The following SMARCC1 variants were observed in gnomAD, a reference collection of about 807,000 sequenced individuals.
SMARCC1 encodes the protein SWI/SNF complex subunit SMARCC1.
Under a neutral mutation model 147.4 loss-of-function variants are expected in SMARCC1, and 43 were observed. That is an observed-to-expected ratio of 0.29 (90% confidence interval 0.23 to 0.38). The LOEUF is 0.38. Ranked by LOEUF, SMARCC1 falls within the 10% of genes least tolerant of loss-of-function variation. The pLI is 1.00. For missense variants in SMARCC1, 1,119 were observed against 1,381.1 expected (o/e 0.81, Z 3.01); for synonymous variants, 495 against 484.4 (o/e 1.02, Z -0.29).
chr3:47,780,587 T>A (rs922944731), intron 1 of SMARCC1, among the ~76,000 whole-genome samples: 1 of 152,200 alleles, frequency 6.6e-6, no homozygotes, highest in Admixed American at 6.6e-5. Flanking sequence ...GTTTATGTTT[T>A]CATTCATTCA....
At position 47,606,309 on chromosome 3, in the gene SMARCC1, C is replaced by T. The variant is rs552346437; in HGVS notation, c.3043+3757G>A. On this transcript the variant is annotated intron_variant, in intron 26 of 27. Coordinates refer to ENST00000254480, the MANE Select transcript of SMARCC1 (RefSeq NM_003074.4). ...TATAAATCCCCTTAGTCTTCCGTCA[C>T]GGGAGGCAGCACTGTGGCACTGGCC... is the stretch of plus-strand genomic sequence containing the variant. Among the ~76,000 whole-genome samples the T allele has an allele frequency of 3.3e-5, 5 of 152,304 alleles. 1 individual carries two copies. In the South Asian group the frequency reaches 8.3e-4, roughly 25 times the overall value.
At chr3:47,772,973 A>G (rs1383448322) in intron 1 of SMARCC1, 37 bp from the exon 2 acceptor site, 2 of 1,597,362 alleles carry the variant, frequency 1.3e-6, no homozygotes, top group Non-Finnish European at 1.7e-6. Flanking sequence ...AACTAGTACA[A>G]TTTTTGCAGG....
At chr3:47,696,076 A>AGG (rs2033847796) in intron 11 of SMARCC1, among the ~76,000 whole-genome samples, 1 of 120,200 alleles carries the variant, frequency 8.3e-6, no homozygotes, top group African/African-American at 3.4e-5. Context: ...CAAAAAAAAA[A>AGG]AGGGGGGGGG....
At chr3:47,668,176 T>G (rs939201574) in intron 19 of SMARCC1, among the ~76,000 whole-genome samples, 17 of 152,208 alleles carry the variant, frequency 1.1e-4, no homozygotes, top group Non-Finnish European at 2.1e-4. Flanking sequence ...CCATAAAGAC[T>G]GTCATGGCCT....
intron 27 of SMARCC1, 85 bp downstream of exon 27, chr3:47,590,576 G>T: frequency 8.2e-7 from 1 of 1,212,454 alleles, no homozygotes; most frequent in South Asian, 1.9e-5. Context: ...GCCAAATCTC[G>T]GGGAGAGAAC....
chr3:47,777,088 ATT>A (rs1306337582), intron 1 of SMARCC1, among the ~76,000 whole-genome samples: 3 of 131,566 alleles, frequency 2.3e-5, no homozygotes. Context: ...GTAAATATTT[ATT>A]TTTTTTTTTT....
intron 16 of SMARCC1, among the ~76,000 whole-genome samples, chr3:47,677,027 T>A (rs953697986): frequency 2.0e-5 from 3 of 152,060 alleles, no homozygotes; most frequent in Non-Finnish European, 2.9e-5. Context: ...ATCACAGAAA[T>A]GAGAGCACGA....
At chr3:47,771,201 G>A (rs1339086171) in intron 2 of SMARCC1, among the ~76,000 whole-genome samples, 3 of 152,088 alleles carry the variant, frequency 2.0e-5, no homozygotes, top group African/African-American at 4.8e-5. Context: ...AAGCCACGAC[G>A]CCCCGCCTAT....
At chr3:47,679,214 A>C (rs942651881) in intron 15 of SMARCC1, among the ~76,000 whole-genome samples, 13 of 143,032 alleles carry the variant, frequency 9.1e-5, no homozygotes, top group Non-Finnish European at 1.7e-4. Flanking sequence ...CTTTGTCTCA[A>C]AAAAAAAAAA....
intron 24 of SMARCC1, among the ~76,000 whole-genome samples, chr3:47,632,656 T>C (rs181927825): frequency 1.1e-4 from 16 of 151,690 alleles, no homozygotes; most frequent in Non-Finnish European, 1.8e-4. Context: ...TACAAAAAAA[T>C]TTAAAGAGGA....
At chr3:47,614,679 C>T (rs1342959517) in intron 25 of SMARCC1, among the ~76,000 whole-genome samples, 1 of 152,168 alleles carries the variant, frequency 6.6e-6, no homozygotes, top group Non-Finnish European at 1.5e-5. Context: ...CCATATCTCA[C>T]GTGCATTAAC....
intron 19 of SMARCC1, chr3:47,670,375 A>G: frequency 2.6e-6 from 1 of 383,156 alleles, no homozygotes; most frequent in Non-Finnish European, 4.7e-6. Flanking sequence ...GCTTGAGTCC[A>G]GGAGTTTGAG....
intron 8 of SMARCC1, among the ~76,000 whole-genome samples, chr3:47,712,242 A>G (rs1462667354): frequency 6.6e-6 from 1 of 152,036 alleles, no homozygotes; most frequent in Non-Finnish European, 1.5e-5. Context: ...CAAAATAAAT[A>G]ACTAACTAAC....
intron 17 of SMARCC1, among the ~76,000 whole-genome samples, chr3:47,676,015 T>A (rs2033568164): frequency 6.6e-6 from 1 of 151,406 alleles, no homozygotes; most frequent in African/African-American, 2.4e-5. Context: ...AAACAATAAA[T>A]ACCCACACTT....
Position 47,636,086 on chromosome 3 carries a change from A to C in SMARCC1, c.2427T>G (p.Asp809Glu). 6.2e-7 allele frequency: 1 copy of C among 1,610,198 alleles called. No homozygotes were observed. Among genetic ancestry groups the C allele is most frequent in the East Asian group, 2.2e-5 (1 of 44,812 alleles). ...NETDEGDKAQ[D>E]GENEKNSEKE... is the part of the protein sequence containing the mutation. ...TTTCACTATTTTTTTCATTTTCTCC[A>C]TCTTGTGCTTTATCACCTTCATCCG... Residue 809 changes from aspartate (D) to glutamate (E), a missense_variant, in exon 23 of 28, where the codon GAT becomes GAG. Asp to Glu is a conservative substitution (Grantham distance 45). This residue lies in a region of SMARCC1 where 157 missense variants were observed against 158.6 expected (regional missense o/e 0.99). Coordinates refer to ENST00000254480, the MANE Select transcript of SMARCC1 (RefSeq NM_003074.4).
intron 26 of SMARCC1, among the ~76,000 whole-genome samples, chr3:47,593,192 ATTTTT>A (rs11292851): frequency 6.8e-6 from 1 of 148,146 alleles, no homozygotes; most frequent in South Asian, 2.2e-4. Context: ...CAAGGCTTTA[ATTTTT>A]TTTTTTTCTT....
intron 11 of SMARCC1, among the ~76,000 whole-genome samples, chr3:47,700,714 G>A (rs541972624): frequency 6.6e-6 from 1 of 152,160 alleles, no homozygotes; most frequent in East Asian, 1.9e-4. Context: ...TAGTAGAGAT[G>A]GGGTTTCACC....
chr3:47,761,586 G>C (rs1490944738), intron 2 of SMARCC1, among the ~76,000 whole-genome samples: 1 of 152,108 alleles, frequency 6.6e-6, no homozygotes, highest in African/African-American at 2.4e-5. Context: ...CCTGATGGAT[G>C]ATGACAACTC....
chr3:47,737,237 T>TA (rs1015384353), intron 4 of SMARCC1, among the ~76,000 whole-genome samples: 14 of 151,776 alleles, frequency 9.2e-5, no homozygotes, highest in Admixed American at 1.3e-4. Context: ...ACAAAAGATA[T>TA]AAAAAAATTA....
Sources: gnomAD v4.1 joint callset for allele counts (sites outside exome capture counted in the v4.1 genomes callset) on GRCh38, gnomAD v4.1.1 for gene constraint, gnomAD v4.1.1 regional missense constraint, MANE v1.5 for transcripts, NCBI Gene and HGNC (gene_info 2026-07-23, HGNC 2026-07-21) for gene names.